ASZ1: variants seen among roughly 807,000 people sequenced by gnomAD.
ASZ1 encodes ankyrin repeat, SAM and basic leucine zipper domain-containing protein 1.
A neutral mutation model predicts 61.8 loss-of-function variants in ASZ1; 67 were observed. The ratio of observed to expected loss-of-function variants is 1.08; its 90% CI spans 0.89 to 1.33. The LOEUF is 1.33. Among genes scored for constraint, ASZ1 ranks in the 40% most tolerant of loss-of-function variants. The pLI is 0.00. For synonymous variants in ASZ1, 193 were observed against 192.7 expected, an observed-to-expected ratio of 1.00 and a Z score of -0.01; for missense variants, 577 against 554.5, an observed-to-expected ratio of 1.04 and a Z score of -0.41.
chr7:117,417,526 A>G (rs1562860745), intron 4 of ASZ1, among the ~76,000 whole-genome samples: 1 of 152,194 alleles, frequency 6.6e-6, no homozygotes, highest in Non-Finnish European at 1.5e-5. Flanking sequence ...AGTTAGCTAT[A>G]AAATTCTCTT....
intron 4 of ASZ1, among the ~76,000 whole-genome samples, chr7:117,399,818 C>A (rs1187885160): frequency 6.6e-6 from 1 of 152,052 alleles, no homozygotes; most frequent in African/African-American, 2.4e-5. Flanking sequence ...TATACTTAAA[C>A]CATTGAATTC....
chr7:117,414,144 A>G (rs1292730441), intron 4 of ASZ1, among the ~76,000 whole-genome samples: 2 of 152,206 alleles, frequency 1.3e-5, no homozygotes, highest in East Asian at 3.9e-4. Context: ...TAATATTTGA[A>G]GAAACGATAG....
intron 11 of ASZ1, 71 bp downstream of exon 11, chr7:117,368,541 T>C: frequency 3.2e-6 from 5 of 1,544,420 alleles, no homozygotes; most frequent in African/African-American, 1.4e-5. Context: ...ATTTATTGAA[T>C]TATCATGAAC....
Position 117,371,622 on chromosome 7 carries a change from G to A in ASZ1, c.1056-2905C>T, listed in dbSNP as rs544615966. On this transcript the variant is annotated intron_variant, in intron 10 of 12. Coordinates refer to ENST00000284629, the MANE Select transcript of ASZ1 (RefSeq NM_130768.3). ...ACACATTTCTGCCAAAGCAACAGCAGTGATTACTTGTATTTTGTTTCCATG... is the reference window on the plus strand; with the variant it reads ...ACACATTTCTGCCAAAGCAACAGCAATGATTACTTGTATTTTGTTTCCATG... 9.9e-5 allele frequency among the ~76,000 whole-genome samples: 15 copies of A among 152,224 alleles called. No homozygotes were observed. The South Asian group carries it at 3.1e-3, about 32-fold the overall frequency.
intron 10 of ASZ1, among the ~76,000 whole-genome samples, chr7:117,369,169 G>C (rs1796002363): frequency 1.3e-5 from 2 of 152,142 alleles, no homozygotes; most frequent in South Asian, 4.1e-4. Context: ...AGGGAGTAGG[G>C]AATTAGAAAT....
At chr7:117,409,598 T>C (rs535649400) in intron 4 of ASZ1, among the ~76,000 whole-genome samples, 4 of 152,010 alleles carry the variant, frequency 2.6e-5, no homozygotes, top group African/African-American at 9.6e-5. Flanking sequence ...CTGTTATCTG[T>C]TTAATAAAAA....
Position 117,427,420 on chromosome 7 carries a change from C to A in ASZ1, c.41G>T (p.Gly14Val), listed in dbSNP as rs767070581. 7 of 1,613,994 alleles carry A rather than the reference C, an allele frequency of 4.3e-6. No individual in the cohort carries two copies. Among genetic ancestry groups the A allele is most frequent in the African/African-American group, 1.3e-5 (1 of 74,954 alleles). The part of the protein sequence containing the change: ...SALRGLPVAG[G>V]GESSESEDDG... The stretch of plus-strand genomic sequence containing the variant: ...ATCCTCGCTCTCGCTACTCTCGCCT[C>A]CGCCAGCCACTGGCAGGCCTCGCAG... Residue 14 changes from glycine to valine, a missense_variant, in exon 1 of 13, where the codon GGA becomes GTA. Physicochemically the swap from Gly to Val is moderately radical, Grantham distance 109 (BLOSUM62 -3). Transcript: ENST00000284629.
chr7:117,418,652 C>CAA (rs5886857), intron 4 of ASZ1, among the ~76,000 whole-genome samples: 2 of 139,660 alleles, frequency 1.4e-5, no homozygotes, highest in Non-Finnish European at 3.2e-5. Context: ...GACTCCATCT[C>CAA]AAAAAAAAAA....
chr7:117,394,876 T>G, intron 4 of ASZ1, among the ~76,000 whole-genome samples: 1 of 152,238 alleles, frequency 6.6e-6, no homozygotes, highest in African/African-American at 2.4e-5. Context: ...CATAATTCAC[T>G]GTGCTTGTTT....
chr7:117,393,275 T>G (rs1796507885), intron 4 of ASZ1, among the ~76,000 whole-genome samples: 1 of 152,238 alleles, frequency 6.6e-6, no homozygotes, highest in African/African-American at 2.4e-5. Flanking sequence ...AATTAGATAC[T>G]CTTGTTGATT....
intron 4 of ASZ1, among the ~76,000 whole-genome samples, chr7:117,389,073 C>A (rs1796414486): frequency 6.6e-6 from 1 of 152,024 alleles, no homozygotes; most frequent in Admixed American, 6.6e-5. Context: ...TAGAAATGCA[C>A]CTAGTATTTG....
chr7:117,372,579 G>A (rs1368350809), intron 10 of ASZ1, among the ~76,000 whole-genome samples: 4 of 152,034 alleles, frequency 2.6e-5, no homozygotes, highest in Admixed American at 6.6e-5. Flanking sequence ...CAGTATAAGC[G>A]AACTAAAACA....
chr7:117,383,406 A>G (rs1562849449), intron 6 of ASZ1, among the ~76,000 whole-genome samples: 1 of 152,072 alleles, frequency 6.6e-6, no homozygotes, highest in Non-Finnish European at 1.5e-5. Flanking sequence ...ATCAGAAAAG[A>G]AAAAAGTACA....
Position 117,411,646 on chromosome 7 carries a change from G to A in ASZ1, c.440+8517C>T, listed in dbSNP as rs977081939. Among the ~76,000 whole-genome samples, 8 of 151,780 alleles carry A rather than the reference G, an allele frequency of 5.3e-5. No homozygotes were observed. The South Asian group carries it at 8.3e-4, about 16-fold the overall frequency. On this transcript the variant is annotated intron_variant, in intron 4 of 12. Coordinates refer to ENST00000284629, the MANE Select transcript of ASZ1 (RefSeq NM_130768.3). ...TGGAAGTCTTCTACAGAATTAACGC[G>A]TACCAAGGATATTATCATCGTTATG...
At chr7:117,400,189 T>C (rs1215872785) in intron 4 of ASZ1, among the ~76,000 whole-genome samples, 1 of 152,228 alleles carries the variant, frequency 6.6e-6, no homozygotes, top group Non-Finnish European at 1.5e-5. Context: ...ACTCAGTTTA[T>C]AGTTGAGAGA....
At chr7:117,366,546 C>G (rs1172532425) in intron 12 of ASZ1, among the ~76,000 whole-genome samples, 2 of 151,790 alleles carry the variant, frequency 1.3e-5, no homozygotes, top group African/African-American at 4.8e-5. Flanking sequence ...AAGTGTTTTT[C>G]TTTATTATCC....
At chr7:117,407,977 G>C (rs73213827) in intron 4 of ASZ1, among the ~76,000 whole-genome samples, 1 of 152,280 alleles carries the variant, frequency 6.6e-6, no homozygotes, top group South Asian at 2.1e-4. Context: ...AGGTGGGAAG[G>C]AGAGGGATGG....
chr7:117,382,076 A>G lies in ASZ1; in HGVS notation c.881T>C (p.Leu294Ser), dbSNP rs1407000053. ...GGTTATATAAGATCTTACCTTTAGT[A>G]AATCTGTCATATGTTCAAGTCCAAG... ...HGLGLEHMTD[L>S]LKERDITLRH... Residue 294 changes from leucine to serine, a missense_variant, in exon 8 of 13, where the codon TTA becomes TCA. Leu to Ser is a moderately radical substitution (Grantham distance 145). Coordinates refer to ENST00000284629, the MANE Select transcript of ASZ1 (RefSeq NM_130768.3). The G allele has an allele frequency of 6.3e-7, 1 of 1,575,718 alleles. No individual in the cohort carries two copies.
chr7:117,369,128 G>C (rs540358726), intron 10 of ASZ1, among the ~76,000 whole-genome samples: 2 of 152,266 alleles, frequency 1.3e-5, no homozygotes, highest in South Asian at 4.1e-4. Flanking sequence ...CTAAAATTCA[G>C]GGGGAATGAA....
Sources: allele counts gnomAD v4.1 joint callset (sites outside exome capture counted in the v4.1 genomes callset), GRCh38; gene constraint gnomAD v4.1.1; transcripts MANE v1.5; gene names NCBI Gene and HGNC (gene_info 2026-07-23, HGNC 2026-07-21).